PLEKHG5: variants seen among roughly 807,000 people sequenced by gnomAD.
PLEKHG5 encodes pleckstrin homology and RhoGEF domain containing G5.
In PLEKHG5, 52 loss-of-function variants were observed where a neutral mutation model predicts 103.8. That is an observed-to-expected ratio of 0.50 (90% CI 0.40 to 0.63). The LOEUF (loss-of-function observed/expected upper bound fraction) is 0.63, where lower values mean the gene tolerates loss of function less well. PLEKHG5 is among the 30% of genes least tolerant of loss of function. The pLI, the probability that PLEKHG5 is intolerant of heterozygous loss-of-function variation, is 0.00. For synonymous variants in PLEKHG5, 592 were observed against 575.5 expected, an observed-to-expected ratio of 1.03 and a Z score of -0.41; for missense variants, 1,205 against 1,347.6, an observed-to-expected ratio of 0.89 and a Z score of 1.66.
chr1:6,519,044 G>A (rs1570018228), intron 1 of PLEKHG5, among the ~76,000 whole-genome samples: 1 of 152,104 alleles, frequency 6.6e-6, no homozygotes, highest in Non-Finnish European at 1.5e-5. Flanking sequence ...GGGTTTCACC[G>A]TGTTAACCAG....
At chr1:6,498,667 C>T (rs74582115), upstream of PLEKHG5, among the ~76,000 whole-genome samples, 3,514 of 152,136 alleles carry the variant, frequency 0.023, 61 homozygotes, top group Middle Eastern at 0.068. Context: ...ACAGGCACCC[C>T]GGGGGCCTCC....
At chr1:6,472,416 C>T in intron 10 of PLEKHG5, 111 bp downstream of exon 10, 1 of 822,018 alleles carries the variant, frequency 1.2e-6, no homozygotes, top group South Asian at 1.4e-5. Context: ...CTTTCCTGCC[C>T]CCACCTCATT....
At chr1:6,517,927 A>G (rs142221330) in intron 1 of PLEKHG5, among the ~76,000 whole-genome samples, 434 of 152,064 alleles carry the variant, frequency 2.9e-3, no homozygotes, top group African/African-American at 9.7e-3. Flanking sequence ...GTCATGGCGG[A>G]TATATATATA....
At chr1:6,478,824 A>G (rs760338574) in intron 1 of PLEKHG5, among the ~76,000 whole-genome samples, 2 of 151,328 alleles carry the variant, frequency 1.3e-5, no homozygotes, top group Non-Finnish European at 1.5e-5. Flanking sequence ...TTGTATTTTT[A>G]GTAGAGACGG....
rs775211144 is a variant in PLEKHG5 at position 6,477,661 on chromosome 1, G to A, written c.-87-3C>T. ...TGGCAGTCGGCGTGGTGACATACCT[G>A]GGGTGGGGACAGAAGCCTTCAGGAG... On this transcript the variant is annotated splice_region_variant and splice_polypyrimidine_tract_variant and intron_variant, in intron 1 of 20. Transcript: ENST00000377728. 7 of 1,602,688 alleles carry A rather than the reference G, an allele frequency of 4.4e-6. No individual in the cohort carries two copies. In the East Asian group the frequency reaches 1.1e-4, roughly 26 times the overall value.
intron 1 of PLEKHG5, among the ~76,000 whole-genome samples, chr1:6,508,105 C>A (rs991182759): frequency 3.3e-5 from 5 of 152,158 alleles, no homozygotes; most frequent in African/African-American, 9.7e-5. Context: ...AACATCCCCG[C>A]CTGGGTGCAG....
At chr1:6,500,386 C>T (rs139498227), upstream of PLEKHG5, among the ~76,000 whole-genome samples, 27 of 152,210 alleles carry the variant, frequency 1.8e-4, no homozygotes, top group African/African-American at 4.3e-4. Flanking sequence ...GGCAGGGGGG[C>T]GGCCTCCTCT....
Position 6,469,096 on chromosome 1 carries a change from G to A in PLEKHG5, c.2195C>T (p.Ala732Val), listed in dbSNP as rs1644484593. ...EEGEDSGTSA[A>V]SSPTIMRKSS... ...TTTCCGCATGATGGTAGGGGAGCTG[G>A]CAGCTGAAGTGCCACTGTCCTCGCC... The change falls in exon 19 of 21, where the codon GCC becomes GTC. Residue 732 changes from alanine (A) to valine (V), a missense_variant. Coordinates refer to ENST00000377728, the MANE Select transcript of PLEKHG5 (RefSeq NM_020631.6). 6.2e-7 allele frequency: 1 copy of A among 1,612,942 alleles called. No homozygotes were observed. The highest frequency in any genetic ancestry group is 1.1e-5 in the South Asian group (1 of 91,088).
rs895782245 is a variant in PLEKHG5, at chr1:6,516,537, A to G, written c.-165+2908T>C. 6.6e-5 allele frequency among the ~76,000 whole-genome samples: 10 copies of G among 150,860 alleles called. No homozygotes were observed. The South Asian group carries it at 1.7e-3, about 25-fold the overall frequency. On this transcript the variant is annotated intron_variant, in intron 1 of 21. Transcript: ENST00000377740. ...CTGGACGTGGTGGCGGGCATCTGTA[A>G]TCCCAGCTACTGGGGAGGCTGAGGC...
chr1:6,482,402 C>T (rs1165543453), intron 1 of PLEKHG5, among the ~76,000 whole-genome samples: 3 of 152,092 alleles, frequency 2.0e-5, no homozygotes, highest in Non-Finnish European at 2.9e-5. Flanking sequence ...GGTGAAAGCC[C>T]GATGAGAGAT....
chr1:6,483,864 C>A (rs969331411), intron 1 of PLEKHG5, among the ~76,000 whole-genome samples: 1 of 152,216 alleles, frequency 6.6e-6, no homozygotes, highest in African/African-American at 2.4e-5. Context: ...TTCCTGGGAG[C>A]CCCCCGTCTG....
rs1644660585 is a variant in PLEKHG5, at chr1:6,473,463, G to A, written c.592-9C>T. The A allele has an allele frequency of 3.3e-6, 5 of 1,518,994 alleles. No homozygotes were observed. Among genetic ancestry groups the A allele is most frequent in the Admixed American group, 2.0e-5 (1 of 49,362 alleles). The allele number at this position is 1,518,994 out of a possible 1,614,324, so 94.1% of individuals were successfully genotyped here. A position where few individuals can be genotyped will look rare whatever the true frequency, so the allele number is the denominator to read the frequency against. On this transcript the variant is annotated splice_polypyrimidine_tract_variant and intron_variant, in intron 7 of 20. Transcript: ENST00000377728. Reference sequence around the variant, plus strand: ...CGGCGGCGGCCAGGGGCCTGGTCAGGGAAGGGTGGTCAGGGCCGGGACCCC... The same window carrying A: ...CGGCGGCGGCCAGGGGCCTGGTCAGAGAAGGGTGGTCAGGGCCGGGACCCC...
chr1:6,471,288 G>T, intron 12 of PLEKHG5, 188 bp from the exon 13 acceptor site: 1 of 772,632 alleles, frequency 1.3e-6, no homozygotes, highest in Non-Finnish European at 2.1e-6. Context: ...CGTGGCCAGG[G>T]ATCAGGGGTA....
At chr1:6,498,916 G>C (rs763591658), upstream of PLEKHG5, among the ~76,000 whole-genome samples, 1 of 152,260 alleles carries the variant, frequency 6.6e-6, no homozygotes, top group Non-Finnish European at 1.5e-5. Flanking sequence ...GTCCCTGCCT[G>C]CTGGGAGGAA....
At chr1:6,509,498 G>T (rs553758639) in intron 1 of PLEKHG5, among the ~76,000 whole-genome samples, 1 of 152,242 alleles carries the variant, frequency 6.6e-6, no homozygotes, top group Non-Finnish European at 1.5e-5. Flanking sequence ...AAGAGGAAGA[G>T]AAACAGGTGG....
chr1:6,507,559 C>T (rs953116239), intron 1 of PLEKHG5, among the ~76,000 whole-genome samples: 3 of 152,168 alleles, frequency 2.0e-5, no homozygotes, highest in African/African-American at 7.2e-5. Flanking sequence ...AGACCAGATG[C>T]CTGGCAACAG....
At chr1:6,499,455 T>C (rs984775584), upstream of PLEKHG5, among the ~76,000 whole-genome samples, 4 of 152,346 alleles carry the variant, frequency 2.6e-5, no homozygotes, top group African/African-American at 9.6e-5. Context: ...CCTACACTCC[T>C]GATCCCCTGG....
At chr1:6,474,626 C>A in intron 5 of PLEKHG5, 39 bp from the exon 6 acceptor site, 1 of 1,609,970 alleles carries the variant, frequency 6.2e-7, no homozygotes, top group Non-Finnish European at 8.5e-7. Flanking sequence ...TAGAACCAGG[C>A]GGCCAGTCGC....
Position 6,474,063 on chromosome 1 carries a change from CG to C in PLEKHG5, c.540del (p.Ala181ProfsTer87). The C allele has an allele frequency of 6.2e-7, 1 of 1,610,210 alleles. No individual in the cohort carries two copies. The highest frequency in any genetic ancestry group is 8.5e-7 in the Non-Finnish European group (1 of 1,178,526). On this transcript the variant is annotated frameshift_variant, in exon 7 of 21. Coordinates refer to ENST00000377728, the MANE Select transcript of PLEKHG5 (RefSeq NM_020631.6). LOFTEE classifies it high-confidence loss of function. ...CTCTGGGCGTCCACACGCTCCAGGG[CG>C]GGGGGCCCGGTCCCAGCTGGCCGCA... ...PILRPAGTGPPALERVDAQSR... is the reference protein window; with the variant it reads ...PILRPAGTGPXALERVDAQSR...
Sources: gnomAD v4.1 joint callset for allele counts (sites outside exome capture counted in the v4.1 genomes callset) on GRCh38, gnomAD v4.1.1 for gene constraint, MANE v1.5 for transcripts, NCBI Gene and HGNC (gene_info 2026-07-23, HGNC 2026-07-21) for gene names.